GRM7: variants seen among roughly 807,000 people sequenced by gnomAD.
GRM7 encodes the protein glutamate metabotropic receptor 7.
A neutral mutation model predicts 84.5 loss-of-function variants in GRM7; 35 were observed. That is an observed-to-expected ratio of 0.41 (90% confidence interval 0.32 to 0.55). The LOEUF (loss-of-function observed/expected upper bound fraction) is 0.55, where lower values mean the gene tolerates loss of function less well. Among genes scored for constraint, GRM7 ranks in the 20% least tolerant of loss-of-function variants. The pLI is 0.19. For synonymous variants in GRM7, 487 were observed against 455.1 expected, an observed-to-expected ratio of 1.07 and a Z score of -0.89; for missense variants, 1,003 against 1,194.6, an observed-to-expected ratio of 0.84 and a Z score of 2.36.
At chr3:7,098,699 G>A (rs1297871663) in intron 1 of GRM7, among the ~76,000 whole-genome samples, 2 of 151,812 alleles carry the variant, frequency 1.3e-5, no homozygotes, top group Admixed American at 6.6e-5. Flanking sequence ...AATATTTTTC[G>A]GTGCCATTTA....
intron 1 of GRM7, among the ~76,000 whole-genome samples, chr3:7,005,729 A>T (rs967395694): frequency 3.3e-5 from 5 of 152,244 alleles, no homozygotes; most frequent in Non-Finnish European, 5.9e-5. Context: ...CTTCAGATAC[A>T]GAAAAATCCA....
At chr3:7,608,838 A>C (rs1384042839) in intron 8 of GRM7, among the ~76,000 whole-genome samples, 1 of 152,082 alleles carries the variant, frequency 6.6e-6, no homozygotes, top group Admixed American at 6.6e-5. Flanking sequence ...CAGGGTTTTT[A>C]TAGTTTGGAG....
At chr3:7,713,775 G>A (rs1001277224) in intron 9 of GRM7, among the ~76,000 whole-genome samples, 3 of 142,662 alleles carry the variant, frequency 2.1e-5, no homozygotes, top group Non-Finnish European at 4.6e-5. Flanking sequence ...GCTCTCAATT[G>A]GAAGAGCCAC....
chr3:7,407,333 C>G (rs1695724198), intron 4 of GRM7, among the ~76,000 whole-genome samples: 1 of 152,172 alleles, frequency 6.6e-6, no homozygotes, highest in South Asian at 2.1e-4. Flanking sequence ...TTTTATGTTT[C>G]ATTCTACTGA....
Position 7,298,707 on chromosome 3 carries a change from G to C in GRM7, c.760G>C (p.Val254Leu), listed in dbSNP as rs368787807. ...EAGGLCIAQSVRIPQERKDRT... is the reference protein window; with the variant it reads ...EAGGLCIAQSLRIPQERKDRT... ...AGGTGGACTCTGCATTGCCCAGTCC[G>C]TGAGAATCCCCCAGGAACGCAAAGA... The change falls in exon 3 of 10, where the codon GTG becomes CTG. Residue 254 changes from valine (V) to leucine (L), a missense_variant. Around this residue, in one of 2 missense-constraint regions of GRM7, gnomAD observed 910 missense variants for 1,126.0 expected, o/e 0.81. Transcript: ENST00000357716. The C allele has an allele frequency of 2.1e-5, 34 of 1,613,224 alleles. No homozygotes were observed. The highest frequency in any genetic ancestry group is 2.7e-5 in the Non-Finnish European group (32 of 1,179,384).
intron 1 of GRM7, among the ~76,000 whole-genome samples, chr3:6,895,467 AT>A (rs1220282801): frequency 1.3e-5 from 2 of 151,998 alleles, no homozygotes; most frequent in Non-Finnish European, 2.9e-5. Flanking sequence ...TACCAAACTT[AT>A]TTTTTTCTTC....
At chr3:7,134,020 C>A (rs1338329898) in intron 1 of GRM7, among the ~76,000 whole-genome samples, 2 of 152,152 alleles carry the variant, frequency 1.3e-5, no homozygotes, top group African/African-American at 4.8e-5. Flanking sequence ...CACACACATG[C>A]AACCCCTCCC....
chr3:7,101,389 C>T (rs1045964682), intron 1 of GRM7, among the ~76,000 whole-genome samples: 9 of 151,516 alleles, frequency 5.9e-5, no homozygotes, highest in South Asian at 2.1e-4. Flanking sequence ...ACTTGATTGT[C>T]GTATATCAAT....
chr3:7,211,224 AG>A, intron 2 of GRM7, among the ~76,000 whole-genome samples: 1 of 152,382 alleles, frequency 6.6e-6, no homozygotes, highest in South Asian at 2.1e-4. Context: ...AAATGCAAAA[AG>A]ATGAATTCTG....
intron 1 of GRM7, among the ~76,000 whole-genome samples, chr3:7,029,310 A>ACAAAC (rs1559393917): frequency 9.1e-6 from 1 of 110,118 alleles, no homozygotes; most frequent in Non-Finnish European, 2.2e-5. Flanking sequence ...TCAAAAAAAA[A>ACAAAC]AAAACAAAAA....
chr3:7,487,460 G>C (rs1029192439), intron 7 of GRM7, among the ~76,000 whole-genome samples: 1 of 152,116 alleles, frequency 6.6e-6, no homozygotes, highest in African/African-American at 2.4e-5. Flanking sequence ...AGAACAAAAT[G>C]GTTTCAGGGG....
chr3:7,211,906 G>A (rs1187611521), intron 2 of GRM7, among the ~76,000 whole-genome samples: 3 of 151,138 alleles, frequency 2.0e-5, no homozygotes, highest in Non-Finnish European at 4.4e-5. Flanking sequence ...CCGACTTGGT[G>A]TTCTTCAGTC....
chr3:7,677,640 A>G (rs1168628656), intron 8 of GRM7, among the ~76,000 whole-genome samples: 1 of 152,210 alleles, frequency 6.6e-6, no homozygotes, highest in African/African-American at 2.4e-5. Flanking sequence ...TTAAATGAAA[A>G]TCAAAGTCTT....
chr3:7,375,214 CTTTTTTT>C (rs1553572612), intron 4 of GRM7, among the ~76,000 whole-genome samples: 1 of 132,978 alleles, frequency 7.5e-6, no homozygotes, highest in African/African-American at 2.9e-5. Flanking sequence ...TAAACATCCC[CTTTTTTT>C]TTTTTTTTTT....
At chr3:7,335,226 A>G (rs1701357260) in intron 4 of GRM7, among the ~76,000 whole-genome samples, 1 of 152,172 alleles carries the variant, frequency 6.6e-6, no homozygotes, top group South Asian at 2.1e-4. Context: ...CTCAGACCAC[A>G]GTGAAATAAA....
At chr3:7,414,399 T>C (rs1696070443) in intron 4 of GRM7, among the ~76,000 whole-genome samples, 5 of 152,092 alleles carry the variant, frequency 3.3e-5, no homozygotes, top group Admixed American at 3.3e-4. Flanking sequence ...GATTTGGGAT[T>C]TGAGCCTAGG....
intron 5 of GRM7, among the ~76,000 whole-genome samples, chr3:7,417,579 T>C (rs1339258367): frequency 1.3e-5 from 2 of 152,158 alleles, no homozygotes; most frequent in African/African-American, 2.4e-5. Flanking sequence ...GGCACCCAGA[T>C]GAGCAGGCTA....
At chr3:7,365,423 C>T (rs912770423) in intron 4 of GRM7, among the ~76,000 whole-genome samples, 1 of 151,640 alleles carries the variant, frequency 6.6e-6, no homozygotes, top group Non-Finnish European at 1.5e-5. Context: ...CTTCTGTTTA[C>T]CACTTTGTGC....
intron 1 of GRM7, among the ~76,000 whole-genome samples, chr3:6,907,892 G>A (rs1314664062): frequency 6.6e-6 from 1 of 152,028 alleles, no homozygotes; most frequent in African/African-American, 2.4e-5. Flanking sequence ...AAATTGCTTT[G>A]TCTTTAGAAG....
Sources: gnomAD v4.1 joint callset for allele counts (sites outside exome capture counted in the v4.1 genomes callset) on GRCh38, gnomAD v4.1.1 for gene constraint, gnomAD v4.1.1 regional missense constraint, MANE v1.5 for transcripts, NCBI Gene and HGNC (gene_info 2026-07-23, HGNC 2026-07-21) for gene names.